The following MYO3B variants were observed in gnomAD, a reference collection of about 807,000 sequenced individuals.
MYO3B encodes myosin-IIIb.
MYO3B carries 156 observed loss-of-function variants against 174.6 expected under a neutral mutation model. The ratio of observed to expected loss-of-function variants is 0.89; its 90% confidence interval spans 0.78 to 1.02. The LOEUF is 1.02. MYO3B is among the 50% of genes least tolerant of loss of function. MYO3B has a pLI of 0.00. For missense variants in MYO3B, 1,632 were observed against 1,639.4 expected (o/e 1.00, Z 0.08); for synonymous variants, 563 against 569.1 (o/e 0.99, Z 0.15).
intron 32 of MYO3B, among the ~76,000 whole-genome samples, chr2:170,648,792 CTATA>C (rs1466988474): frequency 2.1e-5 from 2 of 95,202 alleles, no homozygotes; most frequent in Non-Finnish European, 4.0e-5. Flanking sequence ...ATTCTATAAT[CTATA>C]TAATACATAT....
chr2:170,519,673 C>G, intron 30 of MYO3B, 133 bp downstream of exon 30: 1 of 779,366 alleles, frequency 1.3e-6, no homozygotes, highest in South Asian at 1.7e-5. Context: ...GAGAGTGGAA[C>G]CAAAAAGCGT....
chr2:170,390,321 T>C (rs1033573240), intron 14 of MYO3B, among the ~76,000 whole-genome samples: 5 of 152,098 alleles, frequency 3.3e-5, no homozygotes, highest in Admixed American at 2.0e-4. Flanking sequence ...ATGGCTACTT[T>C]GGAGGCTGAG....
chr2:170,518,836 A>C (rs1428284456), intron 29 of MYO3B, among the ~76,000 whole-genome samples: 1 of 152,200 alleles, frequency 6.6e-6, no homozygotes, highest in East Asian at 1.9e-4. Context: ...TTAAGAAGGA[A>C]CTTCAGGTTG....
Position 170,402,902 on chromosome 2 carries a change from T to G in MYO3B, c.2184T>G (p.Asn728Lys), listed in dbSNP as rs765589453. The change falls in exon 19 of 35, where the codon AAT becomes AAG. Residue 728 changes from asparagine to lysine, a missense_variant. Physicochemically the swap from Asn to Lys is moderately conservative, Grantham distance 94 (BLOSUM62 0). Coordinates refer to ENST00000408978, the MANE Select transcript of MYO3B (RefSeq NM_138995.5). ...TCTTGGATATCTTTGGATTCGAGAA[T>G]TTTCAGAGAAATTCATTTGAGCAGC... ...VGILDIFGFE[N>K]FQRNSFEQLC... The G allele has an allele frequency of 3.1e-6, 5 of 1,612,354 alleles. No homozygotes were observed. Among genetic ancestry groups the G allele is most frequent in the Non-Finnish European group, 3.4e-6 (4 of 1,178,674 alleles).
chr2:170,190,942 T>A (rs1016066957), intron 1 of MYO3B, among the ~76,000 whole-genome samples: 3 of 151,768 alleles, frequency 2.0e-5, no homozygotes, highest in Non-Finnish European at 4.4e-5. Flanking sequence ...CTACCACAGT[T>A]AGGTAGGTCA....
intron 22 of MYO3B, among the ~76,000 whole-genome samples, chr2:170,439,526 A>G (rs2094783773): frequency 6.6e-6 from 1 of 151,886 alleles, no homozygotes; most frequent in African/African-American, 2.4e-5. Flanking sequence ...CAATTCGTTG[A>G]TTGTTTCCTT....
chr2:170,541,640 A>T (rs867189174), intron 30 of MYO3B, among the ~76,000 whole-genome samples: 14 of 152,152 alleles, frequency 9.2e-5, no homozygotes, highest in Non-Finnish European at 1.9e-4. Flanking sequence ...ATTCTTACTG[A>T]TCTACATGGC....
rs201711225 is a variant in MYO3B at position 170,624,741 on chromosome 2, TC to T, written c.3734-26886del. 2.0e-5 allele frequency among the ~76,000 whole-genome samples: 3 copies of T among 152,356 alleles called. No individual in the cohort carries two copies. In the East Asian group the frequency reaches 5.8e-4, roughly 29 times the overall value. On this transcript the variant is annotated intron_variant, in intron 32 of 34. Transcript: ENST00000408978. ...TCTTATTATTTTGATATACATCTCA[TC>T]AATACCTAATTTATTGAGAGTTTTT...
At chr2:170,425,731 C>T (rs2094655375) in intron 22 of MYO3B, among the ~76,000 whole-genome samples, 1 of 152,204 alleles carries the variant, frequency 6.6e-6, no homozygotes, top group Non-Finnish European at 1.5e-5. Context: ...GCAATCCCAT[C>T]AGCTACTCAG....
At chr2:170,235,910 G>A (rs567907816) in intron 6 of MYO3B, 81 bp from the exon 7 acceptor site, 4 of 1,564,798 alleles carry the variant, frequency 2.6e-6, no homozygotes, top group Non-Finnish European at 3.5e-6. Context: ...TGAGAACGGG[G>A]CTAAGATCAG....
chr2:170,539,803 A>T (rs1575136255), intron 30 of MYO3B, among the ~76,000 whole-genome samples: 1 of 151,652 alleles, frequency 6.6e-6, no homozygotes, highest in African/African-American at 2.4e-5. Context: ...TGTATTTTTA[A>T]TAGAGACAGG....
intron 8 of MYO3B, among the ~76,000 whole-genome samples, chr2:170,361,176 A>G (rs1213759141): frequency 2.0e-5 from 3 of 152,158 alleles, no homozygotes; most frequent in Admixed American, 2.0e-4. Flanking sequence ...ATTCCCCACA[A>G]TAACCTTTCT....
intron 32 of MYO3B, among the ~76,000 whole-genome samples, chr2:170,580,712 T>TTATATATATATATA (rs139311800): frequency 8.8e-5 from 12 of 136,060 alleles, no homozygotes; most frequent in African/African-American, 2.2e-4. Context: ...CCACAAAACC[T>TTATATATATATATA]TATATATGTG....
intron 8 of MYO3B, among the ~76,000 whole-genome samples, chr2:170,357,239 G>A (rs750803496): frequency 1.9e-4 from 28 of 151,162 alleles, no homozygotes; most frequent in East Asian, 3.9e-4. Flanking sequence ...CCTGGGAGGC[G>A]GAGGTTGCAG....
chr2:170,211,773 AGATGGAGG>A (rs2092773020), intron 3 of MYO3B, among the ~76,000 whole-genome samples: 1 of 152,198 alleles, frequency 6.6e-6, no homozygotes, highest in Non-Finnish European at 1.5e-5. Flanking sequence ...ACACAAAACA[AGATGGAGG>A]CCTGCAGCAA....
intron 25 of MYO3B, among the ~76,000 whole-genome samples, chr2:170,485,327 C>G (rs1685966774): frequency 6.6e-6 from 1 of 151,576 alleles, no homozygotes; most frequent in African/African-American, 2.4e-5. Context: ...TTCCATTTCC[C>G]AGCATCTGCC....
chr2:170,201,204 C>T lies in MYO3B; in HGVS notation c.321+920C>T, dbSNP rs527734676. 2.2e-4 allele frequency among the ~76,000 whole-genome samples: 33 copies of T among 152,280 alleles called. No homozygotes were observed. The South Asian group carries it at 5.4e-3, about 25-fold the overall frequency. On this transcript the variant is annotated intron_variant, in intron 3 of 34. Transcript: ENST00000408978. The stretch of plus-strand genomic sequence containing the variant: ...GTCAATTCCGAACAAATACGATTCC[C>T]TATGAGGCTAAAATGACAAGGAAAA...
At chr2:170,628,993 G>A (rs949448949) in intron 32 of MYO3B, among the ~76,000 whole-genome samples, 2 of 152,166 alleles carry the variant, frequency 1.3e-5, no homozygotes, top group African/African-American at 2.4e-5. Flanking sequence ...AGAACAGTGA[G>A]AAAAGTCAAA....
At chr2:170,624,398 T>C (rs946162880) in intron 32 of MYO3B, among the ~76,000 whole-genome samples, 5 of 152,178 alleles carry the variant, frequency 3.3e-5, no homozygotes, top group African/African-American at 1.2e-4. Context: ...CTGCTTGTGA[T>C]TTTTGCACGT....
Sources: gnomAD v4.1 joint callset for allele counts (sites outside exome capture counted in the v4.1 genomes callset) on GRCh38, gnomAD v4.1.1 for gene constraint, MANE v1.5 for transcripts, NCBI Gene and HGNC (gene_info 2026-07-23, HGNC 2026-07-21) for gene names.